The following MEP1A variants were observed in gnomAD, a reference collection of about 807,000 sequenced individuals.
The protein encoded by MEP1A is N-benzoyl-L-tyrosyl-P-amino-benzoic acid hydrolase subunit alpha.
In MEP1A, 68 loss-of-function variants were observed where a neutral mutation model predicts 84.5. The observed-to-expected ratio is 0.80, with a 90% CI of 0.66 to 0.98. The LOEUF is 0.98. Ranked by LOEUF, MEP1A falls within the 50% of genes least tolerant of loss-of-function variation. MEP1A has a pLI of 0.00. For missense variants in MEP1A, 887 were observed against 919.9 expected, an observed-to-expected ratio of 0.96 and a Z score of 0.46; for synonymous variants, 337 against 336.8, an observed-to-expected ratio of 1.00 and a Z score of -0.01.
intron 9 of MEP1A, among the ~76,000 whole-genome samples, chr6:46,827,329 A>G (rs1182144343): frequency 6.6e-6 from 1 of 152,210 alleles, no homozygotes; most frequent in Non-Finnish European, 1.5e-5. Flanking sequence ...GGAAGAAGAT[A>G]ATGCATACAA....
At chr6:46,824,355 A>C (rs1381542226) in intron 7 of MEP1A, among the ~76,000 whole-genome samples, 1 of 149,734 alleles carries the variant, frequency 6.7e-6, no homozygotes, top group East Asian at 1.9e-4. Context: ...TCTAATATTT[A>C]TTTAAATTTA....
chr6:46,816,879 G>T (rs1198203801), intron 6 of MEP1A, among the ~76,000 whole-genome samples: 1 of 152,152 alleles, frequency 6.6e-6, no homozygotes, highest in Admixed American at 6.5e-5. Flanking sequence ...ATGAGCAAGA[G>T]CCAGGAAGGT....
downstream of MEP1A, among the ~76,000 whole-genome samples, chr6:46,844,645 G>T (rs1334201896): frequency 1.3e-5 from 2 of 152,168 alleles, no homozygotes; most frequent in Non-Finnish European, 2.9e-5. Context: ...GAAGAGAGCA[G>T]GAGGCAGAGG....
At chr6:46,807,436 A>T (rs1426849753) in intron 5 of MEP1A, among the ~76,000 whole-genome samples, 2 of 150,604 alleles carry the variant, frequency 1.3e-5, no homozygotes, top group Non-Finnish European at 3.0e-5. Flanking sequence ...CACTTTGGGA[A>T]GCCGAGGCAG....
intron 6 of MEP1A, among the ~76,000 whole-genome samples, chr6:46,811,665 A>T (rs1767501836): frequency 6.6e-6 from 1 of 151,964 alleles, no homozygotes. Context: ...AATTTTGCTG[A>T]GGTTTTTAAT....
intron 7 of MEP1A, among the ~76,000 whole-genome samples, chr6:46,824,894 T>G (rs1294352283): frequency 5.2e-4 from 27 of 51,876 alleles, no homozygotes; most frequent in African/African-American, 4.4e-3. Context: ...ATATATAAAT[T>G]ATATATATAA....
downstream of MEP1A, among the ~76,000 whole-genome samples, chr6:46,841,305 T>A (rs1013080830): frequency 9.3e-5 from 2 of 21,580 alleles, no homozygotes; most frequent in Non-Finnish European, 2.2e-4. Context: ...TTTTGATGAT[T>A]AATGGAAACC....
At chr6:46,815,104 G>T (rs895900303) in intron 6 of MEP1A, among the ~76,000 whole-genome samples, 2 of 152,182 alleles carry the variant, frequency 1.3e-5, no homozygotes, top group Non-Finnish European at 2.9e-5. Flanking sequence ...AGGGACACCT[G>T]GTTAAGTATT....
At chr6:46,798,378 G>A (rs77085985) in intron 3 of MEP1A, among the ~76,000 whole-genome samples, 2,334 of 152,170 alleles carry the variant, frequency 0.015, 76 homozygotes, top group African/African-American at 0.053. Flanking sequence ...AAGATTCTTA[G>A]ACAAGATTTC....
intron 8 of MEP1A, among the ~76,000 whole-genome samples, 193 bp from the exon 9 acceptor site, chr6:46,826,161 A>G (rs973559024): frequency 5.9e-5 from 9 of 152,308 alleles, no homozygotes; most frequent in African/African-American, 2.2e-4. Flanking sequence ...TCTGTGAGGT[A>G]GGTAGGGCTG....
chr6:46,827,913 G>A (rs2150753971), intron 9 of MEP1A, among the ~76,000 whole-genome samples: 1 of 152,326 alleles, frequency 6.6e-6, no homozygotes, highest in East Asian at 1.9e-4. Flanking sequence ...CCAGAAGAAA[G>A]ATCTGGAAAA....
intron 3 of MEP1A, among the ~76,000 whole-genome samples, chr6:46,798,231 G>C (rs1767110534): frequency 1.3e-5 from 2 of 152,084 alleles, no homozygotes. Context: ...GCCTCCCAAA[G>C]TGCTGGGATT....
At chr6:46,833,784 A>G (rs1768134881) in intron 11 of MEP1A, among the ~76,000 whole-genome samples, 1 of 152,106 alleles carries the variant, frequency 6.6e-6, no homozygotes, top group African/African-American at 2.4e-5. Context: ...CTAGGTACTT[A>G]GAATACAAGT....
At position 46,833,431 on chromosome 6, in the gene MEP1A, T is replaced by C; in HGVS notation, c.1502T>C (p.Val501Ala). 6.2e-7 allele frequency: 1 copy of C among 1,614,140 alleles called. No homozygotes were observed. Among genetic ancestry groups the C allele is most frequent in the Non-Finnish European group, 8.5e-7 (1 of 1,180,010 alleles). ...AACGATGCTATCCTGGAGTGGCCGG[T>C]AGAAAACAGACAGGTGATAATTACC... ...GENDAILEWP[V>A]ENRQVIITIL... Residue 501 changes from valine to alanine, a missense_variant, in exon 11 of 14, where the codon GTA (valine) becomes GCA (alanine). Physicochemically the swap from Val to Ala is moderately conservative, Grantham distance 64. Coordinates refer to ENST00000230588, the MANE Select transcript of MEP1A (RefSeq NM_005588.3).
At chr6:46,814,504 C>T (rs1430954794) in intron 6 of MEP1A, among the ~76,000 whole-genome samples, 1 of 152,068 alleles carries the variant, frequency 6.6e-6, no homozygotes, top group Non-Finnish European at 1.5e-5. Flanking sequence ...TCTGGTGCCT[C>T]CTTGATTGGC....
At position 46,825,222 on chromosome 6, in the gene MEP1A, TG is replaced by T. The variant is rs1254083858; in HGVS notation, c.557-46del. The T allele has an allele frequency of 2.4e-6, 3 of 1,237,486 alleles. No homozygotes were observed. The East Asian group carries it at 7.2e-5, about 30-fold the overall frequency. 76.7% of individuals were successfully genotyped at this position (1,237,486 alleles called of 1,614,324 possible). A position where few individuals can be genotyped will look rare whatever the true frequency, so the allele number is the denominator to read the frequency against. On this transcript the variant is annotated intron_variant, in intron 7 of 13. Coordinates refer to ENST00000230588, the MANE Select transcript of MEP1A (RefSeq NM_005588.3). ...CTGGGTATCTAGTCAAAGAGTAGCA[TG>T]GGGAAAATAACATGACTGAGAAGGA...
intron 4 of MEP1A, 47 bp downstream of exon 4, chr6:46,798,693 C>G: frequency 6.6e-7 from 1 of 1,520,582 alleles, no homozygotes; most frequent in Non-Finnish European, 9.1e-7. Flanking sequence ...ACAGGCAGTA[C>G]CACTGGGTGT....
intron 7 of MEP1A, among the ~76,000 whole-genome samples, chr6:46,820,452 G>A (rs1767742420): frequency 6.6e-6 from 1 of 152,154 alleles, no homozygotes; most frequent in Admixed American, 6.6e-5. Context: ...GTGCAATGGT[G>A]CGATCTCAGC....
chr6:46,820,128 T>C (rs1451238709), intron 7 of MEP1A, among the ~76,000 whole-genome samples: 1 of 152,160 alleles, frequency 6.6e-6, no homozygotes, highest in South Asian at 2.1e-4. Context: ...TCAAGAAGTA[T>C]TTTTTCCAGT....
Sources: allele counts gnomAD v4.1 joint callset (sites outside exome capture counted in the v4.1 genomes callset), GRCh38; gene constraint gnomAD v4.1.1; transcripts MANE v1.5; gene names NCBI Gene and HGNC (gene_info 2026-07-23, HGNC 2026-07-21).